Variants in LIN9 observed in about 807,000 individuals in gnomAD.
LIN9 encodes protein lin-9 homolog.
LIN9 carries 18 observed loss-of-function variants against 78.0 expected under a neutral mutation model. That is an observed-to-expected ratio of 0.23 (90% CI 0.16 to 0.34). The LOEUF is 0.34. LIN9 is among the 10% of genes least tolerant of loss of function. The pLI is 1.00. For synonymous variants in LIN9, 192 were observed against 215.2 expected, an observed-to-expected ratio of 0.89 and a Z score of 0.94; for missense variants, 451 against 644.1, an observed-to-expected ratio of 0.70 and a Z score of 3.25.
chr1:226,270,548 A>G (rs1009441724), intron 7 of LIN9, among the ~76,000 whole-genome samples: 1 of 152,118 alleles, frequency 6.6e-6, no homozygotes, highest in African/African-American at 2.4e-5. Flanking sequence ...TGTTCAAAGA[A>G]TTAAAGTAGG....
intron 6 of LIN9, among the ~76,000 whole-genome samples, chr1:226,278,621 C>T (rs1379450023): frequency 7.1e-6 from 1 of 140,234 alleles, no homozygotes; most frequent in Non-Finnish European, 1.5e-5. Context: ...GTCAGGAGTT[C>T]GAGACTAACC....
At chr1:226,298,991 C>T (rs1662338798) in intron 2 of LIN9, among the ~76,000 whole-genome samples, 1 of 151,802 alleles carries the variant, frequency 6.6e-6, no homozygotes, top group Non-Finnish European at 1.5e-5. Flanking sequence ...AGAATTCTAT[C>T]GAATAGACAT....
chr1:226,303,521 C>T (rs569873116), intron 1 of LIN9, among the ~76,000 whole-genome samples: 57 of 152,324 alleles, frequency 3.7e-4, no homozygotes, highest in Non-Finnish European at 7.2e-4. Flanking sequence ...ATAAGAATAT[C>T]CACTCCTGCT....
intron 7 of LIN9, among the ~76,000 whole-genome samples, chr1:226,273,444 C>T (rs1039646738): frequency 2.0e-5 from 3 of 151,678 alleles, no homozygotes; most frequent in Non-Finnish European, 4.4e-5. Flanking sequence ...CAGTGTTTCA[C>T]CATGTTGCCA....
At chr1:226,271,346 T>C (rs970825620) in intron 7 of LIN9, among the ~76,000 whole-genome samples, 2 of 152,214 alleles carry the variant, frequency 1.3e-5, no homozygotes, top group Non-Finnish European at 2.9e-5. Context: ...TTTTTAATTC[T>C]TTTGGCTCTT....
intron 6 of LIN9, among the ~76,000 whole-genome samples, chr1:226,279,608 C>CA (rs56886138): frequency 0.43 from 28,137 of 64,866 alleles, 5,102 homozygotes; most frequent in South Asian, 0.54. Context: ...GCCAAAAATA[C>CA]AAAAAAAAAA....
chr1:226,266,933 C>T (rs1277284992), intron 8 of LIN9, among the ~76,000 whole-genome samples: 1 of 151,806 alleles, frequency 6.6e-6, no homozygotes, highest in Non-Finnish European at 1.5e-5. Flanking sequence ...ACATGTGCTA[C>T]CCCACCCAGC....
chr1:226,280,271 A>G (rs534489643), intron 6 of LIN9, among the ~76,000 whole-genome samples: 1 of 152,352 alleles, frequency 6.6e-6, no homozygotes, highest in Admixed American at 6.5e-5. Context: ...AATGAGAAAA[A>G]AGGATATAAA....
chr1:226,291,463 T>C (rs1385595525), intron 4 of LIN9, among the ~76,000 whole-genome samples: 1 of 151,928 alleles, frequency 6.6e-6, no homozygotes, highest in Admixed American at 6.6e-5. Flanking sequence ...AAAGAAAAAA[T>C]ATATATACAT....
intron 1 of LIN9, among the ~76,000 whole-genome samples, chr1:226,302,286 G>A (rs936687524): frequency 1.3e-5 from 2 of 152,126 alleles, no homozygotes; most frequent in Non-Finnish European, 2.9e-5. Context: ...GCTCACGCCT[G>A]TAATCCCAGC....
intron 4 of LIN9, among the ~76,000 whole-genome samples, chr1:226,294,513 A>T (rs1214923250): frequency 6.6e-6 from 1 of 151,688 alleles, no homozygotes; most frequent in African/African-American, 2.4e-5. Context: ...TGGAGATTGC[A>T]GTGAGCTGAG....
chr1:226,237,452 G>A (rs1241942827), intron 12 of LIN9, among the ~76,000 whole-genome samples: 1 of 151,466 alleles, frequency 6.6e-6, no homozygotes, highest in African/African-American at 2.4e-5. Context: ...CATCAACATG[G>A]AGAAACCCTG....
At position 226,248,210 on chromosome 1, in the gene LIN9, T is replaced by C. The variant is rs528234464; in HGVS notation, c.1119+2629A>G. On this transcript the variant is annotated intron_variant, in intron 11 of 14. Coordinates refer to ENST00000681046, the MANE Select transcript of LIN9 (RefSeq NM_001366245.2). The stretch of plus-strand genomic sequence containing the variant: ...CCACGTTTGAGTTCTGTCACTGAGA[T>C]GAAGAAGGGGAACAAGGAGAAAGAC... Among the ~76,000 whole-genome samples the C allele has an allele frequency of 3.3e-5, 5 of 152,336 alleles. No individual in the cohort carries two copies. The South Asian group carries it at 1.0e-3, about 32-fold the overall frequency.
At chr1:226,244,035 C>T (rs1453989789) in intron 11 of LIN9, among the ~76,000 whole-genome samples, 6 of 151,418 alleles carry the variant, frequency 4.0e-5, no homozygotes, top group South Asian at 2.1e-4. Flanking sequence ...CTACCTGCGC[C>T]GGGCTAAGTT....
At chr1:226,299,877 T>C (rs1662405053) in intron 2 of LIN9, among the ~76,000 whole-genome samples, 2 of 152,120 alleles carry the variant, frequency 1.3e-5, no homozygotes, top group South Asian at 4.1e-4. Context: ...AAAAGTACTA[T>C]TATTCTTTTA....
At chr1:226,251,665 T>C (rs1298550691) in intron 10 of LIN9, among the ~76,000 whole-genome samples, 4 of 152,342 alleles carry the variant, frequency 2.6e-5, no homozygotes, top group African/African-American at 4.8e-5. Flanking sequence ...CTCAGCGTCA[T>C]AGCACTGTAT....
chr1:226,284,895 G>A (rs1429994958), intron 6 of LIN9, among the ~76,000 whole-genome samples: 1 of 151,752 alleles, frequency 6.6e-6, no homozygotes, highest in Admixed American at 6.6e-5. Context: ...ATCTTCCTTT[G>A]TTTCTTCCTT....
intron 10 of LIN9, among the ~76,000 whole-genome samples, chr1:226,253,041 T>A (rs1181996622): frequency 6.6e-6 from 1 of 151,638 alleles, no homozygotes; most frequent in Non-Finnish European, 1.5e-5. Context: ...GGTGGGAGGA[T>A]CACTTGAGTC....
chr1:226,291,552 A>C (rs1342748923), intron 4 of LIN9, among the ~76,000 whole-genome samples: 1 of 152,154 alleles, frequency 6.6e-6, no homozygotes, highest in African/African-American at 2.4e-5. Context: ...AACTAATTAT[A>C]GTGGCTGCCA....
Sources: allele counts gnomAD v4.1 joint callset (sites outside exome capture counted in the v4.1 genomes callset), GRCh38; gene constraint gnomAD v4.1.1; transcripts MANE v1.5; gene names NCBI Gene and HGNC (gene_info 2026-07-23, HGNC 2026-07-21).